Variants in CTNND2 observed in about 807,000 individuals in gnomAD.
The protein encoded by CTNND2 is catenin delta 2, also known as catenin delta-2.
In CTNND2, 22 loss-of-function variants were observed where a neutral mutation model predicts 144.4. The ratio of observed to expected loss-of-function variants is 0.15; its 90% CI spans 0.11 to 0.22. CTNND2 has a LOEUF of 0.22. CTNND2 is among the 10% of genes least tolerant of loss of function. The pLI is 1.00. For synonymous variants in CTNND2, 751 were observed against 695.6 expected (o/e 1.08, Z -1.25); for missense variants, 1,353 against 1,618.8 (o/e 0.84, Z 2.82).
intron 13 of CTNND2, among the ~76,000 whole-genome samples, chr5:11,111,714 C>T (rs1464919303): frequency 1.3e-5 from 2 of 152,178 alleles, no homozygotes; most frequent in Non-Finnish European, 2.9e-5. Context: ...GGACAATGCA[C>T]TTGACATCTC....
At chr5:11,380,667 A>C (rs773062263) in intron 7 of CTNND2, among the ~76,000 whole-genome samples, 9 of 152,156 alleles carry the variant, frequency 5.9e-5, no homozygotes, top group Non-Finnish European at 1.3e-4. Flanking sequence ...TGTAGGTTGA[A>C]TCTGAATTGT....
intron 9 of CTNND2, among the ~76,000 whole-genome samples, chr5:11,295,081 C>G (rs866038140): frequency 6.6e-5 from 10 of 152,158 alleles, no homozygotes; most frequent in African/African-American, 2.4e-4. Flanking sequence ...ATCTAGAAAA[C>G]CCCACTGTCT....
At chr5:11,763,970 TA>T in intron 1 of CTNND2, among the ~76,000 whole-genome samples, 1 of 151,826 alleles carries the variant, frequency 6.6e-6, no homozygotes, top group Non-Finnish European at 1.5e-5. Context: ...TATATTATGT[TA>T]AATGGCAATG....
intron 3 of CTNND2, among the ~76,000 whole-genome samples, chr5:11,548,983 C>T (rs1316479839): frequency 6.6e-6 from 1 of 152,210 alleles, no homozygotes; most frequent in Non-Finnish European, 1.5e-5. Flanking sequence ...AAATGCACTT[C>T]TGCATCCCTA....
chr5:11,764,392 G>A (rs1345452216), intron 1 of CTNND2, among the ~76,000 whole-genome samples: 3 of 152,104 alleles, frequency 2.0e-5, no homozygotes, highest in South Asian at 4.2e-4. Flanking sequence ...TACAGCAGCC[G>A]CAATTTCCTG....
intron 9 of CTNND2, among the ~76,000 whole-genome samples, chr5:11,256,835 T>A (rs541667933): frequency 5.3e-4 from 81 of 152,286 alleles, no homozygotes; most frequent in African/African-American, 1.9e-3. Context: ...TCAGCACTAC[T>A]AAGATTTGGG....
At chr5:11,797,412 T>G (rs1487788671) in intron 1 of CTNND2, among the ~76,000 whole-genome samples, 2 of 152,184 alleles carry the variant, frequency 1.3e-5, no homozygotes, top group South Asian at 4.1e-4. Flanking sequence ...TCATTTTGGA[T>G]GTATTCCAAG....
chr5:11,650,137 G>A (rs1782573242), intron 2 of CTNND2, among the ~76,000 whole-genome samples: 1 of 152,126 alleles, frequency 6.6e-6, no homozygotes, highest in Non-Finnish European at 1.5e-5. Context: ...ATTGGATCGT[G>A]GGGGTGATTT....
chr5:11,233,877 T>C (rs1277613985), intron 10 of CTNND2, among the ~76,000 whole-genome samples: 1 of 152,176 alleles, frequency 6.6e-6, no homozygotes, highest in Non-Finnish European at 1.5e-5. Flanking sequence ...TAACACTTAC[T>C]AACTTCAATC....
intron 3 of CTNND2, among the ~76,000 whole-genome samples, chr5:11,425,002 C>T (rs1762665543): frequency 6.6e-6 from 1 of 152,200 alleles, no homozygotes; most frequent in Non-Finnish European, 1.5e-5. Context: ...ACCAATCATA[C>T]TGCCCATTGC....
At chr5:11,015,574 T>C (rs1741524264) in intron 18 of CTNND2, among the ~76,000 whole-genome samples, 1 of 152,208 alleles carries the variant, frequency 6.6e-6, no homozygotes, top group Admixed American at 6.5e-5. Context: ...TTTTGAACTC[T>C]ACTAACAACA....
chr5:11,506,745 C>A (rs1771082710), intron 3 of CTNND2, among the ~76,000 whole-genome samples: 2 of 152,190 alleles, frequency 1.3e-5, no homozygotes, highest in Admixed American at 1.3e-4. Context: ...TGGCAAAGTG[C>A]CTGATGGCTA....
chr5:11,826,055 T>C (rs1443057524), intron 1 of CTNND2, among the ~76,000 whole-genome samples: 3 of 151,796 alleles, frequency 2.0e-5, no homozygotes, highest in African/African-American at 4.8e-5. Context: ...CACAAAGAAA[T>C]GTAGACTAGT....
In CTNND2 at chr5:11,887,024, C is replaced by T. The variant is rs6858902; in HGVS notation, c.37+16793G>A. ...TTTGAGACAGAGTCTCGCTCTGTCACCCAGGCTGGAGTGCGGTGGCGCGAT... is the reference window on the plus strand; with the variant it reads ...TTTGAGACAGAGTCTCGCTCTGTCATCCAGGCTGGAGTGCGGTGGCGCGAT... On this transcript the variant is annotated intron_variant, in intron 1 of 21. Coordinates refer to ENST00000304623, the MANE Select transcript of CTNND2 (RefSeq NM_001332.4). 4.9e-3 allele frequency among the ~76,000 whole-genome samples: 631 copies of T among 130,018 alleles called. 11 individuals are homozygous for T. The East Asian group carries it at 0.062, about 13-fold the overall frequency. The allele number at this position is 130,018 out of a possible 152,430, so 85.3% of individuals were successfully genotyped here.
intron 16 of CTNND2, among the ~76,000 whole-genome samples, chr5:11,065,856 T>C (rs1352980670): frequency 6.6e-6 from 1 of 152,218 alleles, no homozygotes; most frequent in East Asian, 1.9e-4. Context: ...GAGGGAAAAT[T>C]TGCATCTGTA....
chr5:11,895,418 A>G (rs1737314958), intron 1 of CTNND2, among the ~76,000 whole-genome samples: 1 of 152,234 alleles, frequency 6.6e-6, no homozygotes, highest in Non-Finnish European at 1.5e-5. Context: ...CTGAAGACAC[A>G]GGAATTATTG....
chr5:11,442,854 GATT>G (rs1429621873), intron 3 of CTNND2, among the ~76,000 whole-genome samples: 4 of 142,840 alleles, frequency 2.8e-5, no homozygotes, highest in Middle Eastern at 3.4e-3. Flanking sequence ...ATAATATAAT[GATT>G]ATATTATAAT....
intron 16 of CTNND2, among the ~76,000 whole-genome samples, chr5:11,071,545 G>A (rs1412338255): frequency 6.7e-6 from 1 of 149,180 alleles, no homozygotes; most frequent in Non-Finnish European, 1.5e-5. Context: ...GTGAGACCCT[G>A]TCTTCAAAAA....
At chr5:11,590,325 G>A (rs917346798) in intron 2 of CTNND2, among the ~76,000 whole-genome samples, 4 of 152,110 alleles carry the variant, frequency 2.6e-5, no homozygotes, top group Non-Finnish European at 5.9e-5. Flanking sequence ...TTACAGGTGT[G>A]AGCCACCAGG....
Sources: gnomAD v4.1 joint callset for allele counts (sites outside exome capture counted in the v4.1 genomes callset) on GRCh38, gnomAD v4.1.1 for gene constraint, MANE v1.5 for transcripts, NCBI Gene and HGNC (gene_info 2026-07-23, HGNC 2026-07-21) for gene names.